LRCH2: variants seen among roughly 807,000 people sequenced by gnomAD.
LRCH2 encodes leucine rich repeats and calponin homology domain containing 2.
Under a neutral mutation model 68.9 loss-of-function variants are expected in LRCH2, and 38 were observed. That is an observed-to-expected ratio of 0.55 (90% CI 0.43 to 0.72). LRCH2 has a LOEUF of 0.72. LRCH2 is among the 30% of genes least tolerant of loss of function. The pLI, the probability that LRCH2 is intolerant of heterozygous loss-of-function variation, is 0.00. For synonymous variants in LRCH2, 191 were observed against 208.1 expected (o/e 0.92, Z 0.71); for missense variants, 528 against 572.9 (o/e 0.92, Z 0.80).
At position 115,140,237 on chromosome X, in the gene LRCH2, A is replaced by G. The variant is rs72620921; in HGVS notation, c.1695+9590T>C. On this transcript the variant is annotated intron_variant, in intron 14 of 20. Coordinates refer to ENST00000317135, the MANE Select transcript of LRCH2 (RefSeq NM_020871.4). The stretch of plus-strand genomic sequence containing the variant: ...TTCCAGGCCCCAGCTCCTGGATGAC[A>G]TTACTAGACATATACCCCTGGGCAA... Among the ~76,000 whole-genome samples the G allele has an allele frequency of 6.3e-5, 7 of 111,177 alleles. No individual in the cohort carries two copies. The East Asian group carries it at 2.0e-3, about 32-fold the overall frequency.
chrX:115,155,482 C>T (rs186613431), intron 12 of LRCH2, among the ~76,000 whole-genome samples: 136 of 111,110 alleles, frequency 1.2e-3, no homozygotes, highest in African/African-American at 4.3e-3. Flanking sequence ...TCATATAATA[C>T]TTCTTAATAC....
chrX:115,144,602 T>C (rs2072366816), intron 14 of LRCH2, among the ~76,000 whole-genome samples: 1 of 109,615 alleles, frequency 9.1e-6, no homozygotes, highest in African/African-American at 3.3e-5. Context: ...TTCTGTAAAG[T>C]TGCAGGATAC....
rs1334328888 is a variant in LRCH2, at chrX:115,122,579, C to T, written c.2126G>A (p.Arg709Gln). 4.1e-6 allele frequency: 5 copies of T among 1,208,292 alleles called. No homozygotes were observed. The highest frequency in any genetic ancestry group is 1.1e-6 in the Non-Finnish European group (1 of 894,513). ...AVPKLSMAKC[R>Q]RNVENFLDAC... is the part of the protein sequence containing the mutation. ...ATCAAGAAAATTTTCTACATTTCTTCGACATTTTGCCATGCTCAGTTTGGG... is the reference window on the plus strand; with the variant it reads ...ATCAAGAAAATTTTCTACATTTCTTTGACATTTTGCCATGCTCAGTTTGGG... The change falls in exon 20 of 21, where the codon CGA becomes CAA. Residue 709 changes from arginine (R) to glutamine (Q), a missense_variant. Transcript: ENST00000317135.
At chrX:115,211,074 T>A (rs1388016617) in intron 1 of LRCH2, among the ~76,000 whole-genome samples, 4 of 111,963 alleles carry the variant, frequency 3.6e-5, no homozygotes, top group Non-Finnish European at 7.5e-5. Flanking sequence ...TGTGGACTTT[T>A]GAGTTAATGC....
At chrX:115,190,141 T>G in intron 1 of LRCH2, 1 of 1,161,688 alleles carries the variant, frequency 8.6e-7, no homozygotes, top group Non-Finnish European at 1.1e-6. Flanking sequence ...GCAAGATGGC[T>G]ACTCAGGCCC....
Position 115,165,416 on chromosome X carries a change from T to A in LRCH2, c.1344A>T (p.Gly448=), listed in dbSNP as rs782054468. Residue 448 remains glycine, a synonymous_variant, in exon 10 of 21, where the codon GGA becomes GGT. Coordinates refer to ENST00000317135, the MANE Select transcript of LRCH2 (RefSeq NM_020871.4). ...TCATATGTGCTTACCTTTTTTCATC[T>A]CCTAATTCTTCATTTTTCCGAGATT... ...SEKSRKNEEL[G]DEKRLEKEQL... is the part of the protein sequence containing the mutation. The A allele has an allele frequency of 7.1e-6, 8 of 1,123,087 alleles. No homozygotes were observed. The South Asian group carries it at 1.6e-4, about 22-fold the overall frequency. The allele number at this position is 1,123,087 out of a possible 1,213,427, so 92.6% of individuals were successfully genotyped here.
chrX:115,215,789 A>C (rs1216981881), intron 1 of LRCH2, among the ~76,000 whole-genome samples: 2 of 100,271 alleles, frequency 2.0e-5, no homozygotes, highest in African/African-American at 7.0e-5. Flanking sequence ...AAAAAAAAAA[A>C]AACATAATTC....
At position 115,117,989 on chromosome X, in the gene LRCH2, T is replaced by C. The variant is rs185354858; in HGVS notation, c.2178+4538A>G. 4.5e-3 allele frequency among the ~76,000 whole-genome samples: 500 copies of C among 110,660 alleles called. 4 individuals are homozygous for C. The highest frequency in any genetic ancestry group is 0.015 in the African/African-American group (461 of 30,547). On this transcript the variant is annotated intron_variant, in intron 20 of 20. Transcript: ENST00000317135. ...AACATCCTAAAACAAAGAAAATTAATTTAAAAATTATTATATATTACCAAT... is the reference window on the plus strand; with the variant it reads ...AACATCCTAAAACAAAGAAAATTAACTTAAAAATTATTATATATTACCAAT...
At chrX:115,116,423 A>G (rs1556524059) in intron 20 of LRCH2, among the ~76,000 whole-genome samples, 1 of 111,070 alleles carries the variant, frequency 9.0e-6, no homozygotes. Context: ...ACCTTGGAAA[A>G]ATTATACTAA....
chrX:115,220,430 C>T (rs2073070587), intron 1 of LRCH2, among the ~76,000 whole-genome samples: 1 of 111,788 alleles, frequency 8.9e-6, no homozygotes, highest in Non-Finnish European at 1.9e-5. Context: ...AGAGAAGAAG[C>T]AGTGAATACA....
chrX:115,132,802 C>T (rs1205663488), intron 14 of LRCH2, among the ~76,000 whole-genome samples: 2 of 111,661 alleles, frequency 1.8e-5, no homozygotes, highest in Admixed American at 9.6e-5. Context: ...TGGTTTTAAT[C>T]TATGTCAATG....
intron 14 of LRCH2, among the ~76,000 whole-genome samples, chrX:115,146,718 A>T (rs937648046): frequency 2.7e-5 from 3 of 110,181 alleles, no homozygotes; most frequent in Non-Finnish European, 5.7e-5. Context: ...AATCTAAAAG[A>T]GTCAATGTAA....
intron 11 of LRCH2, among the ~76,000 whole-genome samples, chrX:115,157,152 C>T (rs1195826096): frequency 9.0e-6 from 1 of 110,573 alleles, no homozygotes; most frequent in Non-Finnish European, 1.9e-5. Flanking sequence ...TAAAACCATT[C>T]AAAGAAAACC....
rs1225649760 is a variant in LRCH2 at position 115,122,763 on chromosome X, T to C, written c.2097A>G (p.Ala699=). ...ACAAATTGTAAACAAAACTTACCAC[T>C]GCTGGTGATGGTACATGAATACTAG... ...SVASIHVPSP[A]VPKLSMAKCR... is the part of the protein sequence containing the mutation. The change falls in exon 19 of 21, where the codon GCA becomes GCG. Residue 699 remains alanine, a synonymous_variant. Coordinates refer to ENST00000317135, the MANE Select transcript of LRCH2 (RefSeq NM_020871.4). The C allele has an allele frequency of 8.3e-7, 1 of 1,210,094 alleles. No homozygotes were observed. The highest frequency in any genetic ancestry group is 1.1e-6 in the Non-Finnish European group (1 of 894,880).
chrX:115,152,731 T>A (rs1442985959), intron 12 of LRCH2, among the ~76,000 whole-genome samples: 1 of 110,645 alleles, frequency 9.0e-6, no homozygotes, highest in African/African-American at 3.3e-5. Flanking sequence ...TCAAATTTCA[T>A]GAAAATAAAC....
chrX:115,177,005 C>T (rs2072654449), intron 5 of LRCH2, among the ~76,000 whole-genome samples: 1 of 105,424 alleles, frequency 9.5e-6, no homozygotes, highest in Admixed American at 1.0e-4. Flanking sequence ...CCTCAGCCTC[C>T]CAAAGTGCTG....
chrX:115,126,777 CT>C, intron 16 of LRCH2, 65 bp downstream of exon 16: 3 of 833,218 alleles, frequency 3.6e-6, no homozygotes, highest in Non-Finnish European at 4.9e-6. Flanking sequence ...GCAAGGAAGA[CT>C]CTTATGTAAA....
At position 115,124,019 on chromosome X, in the gene LRCH2, A is replaced by C; in HGVS notation, c.1792-17T>G. 2.1e-6 allele frequency: 2 copies of C among 953,359 alleles called. No homozygotes were observed. Among genetic ancestry groups the C allele is most frequent in the South Asian group, 6.0e-5 (2 of 33,422 alleles). 78.6% of individuals were successfully genotyped at this position (953,359 alleles called of 1,213,427 possible). The stretch of plus-strand genomic sequence containing the variant: ...GTCATATTCCTAAAAAAAAATTAAA[A>C]AGTTAAAAATAAATAAATAATAAAA... On this transcript the variant is annotated splice_polypyrimidine_tract_variant and intron_variant, in intron 16 of 20. Coordinates refer to ENST00000317135, the MANE Select transcript of LRCH2 (RefSeq NM_020871.4).
rs928612583 is a variant in LRCH2, at chrX:115,233,554, C to T, written c.349+139G>A. ...GATTCGCCCCTCACGTTCAGGAGAA[C>T]GGGCTGCCCCGACTTTGTTAGTCTG... On this transcript the variant is annotated intron_variant, in intron 1 of 20. Coordinates refer to ENST00000317135, the MANE Select transcript of LRCH2 (RefSeq NM_020871.4). The T allele has an allele frequency of 2.0e-4, 116 of 583,448 alleles. No individual in the cohort carries two copies. In the Middle Eastern group the frequency reaches 3.8e-3, roughly 19 times the overall value. 48.1% of individuals were successfully genotyped at this position (583,448 alleles called of 1,213,427 possible). A position where few individuals can be genotyped will look rare whatever the true frequency, so the allele number is the denominator to read the frequency against.
Sources: allele counts gnomAD v4.1 joint callset (sites outside exome capture counted in the v4.1 genomes callset), GRCh38; gene constraint gnomAD v4.1.1; transcripts MANE v1.5; gene names NCBI Gene and HGNC (gene_info 2026-07-23, HGNC 2026-07-21).